Variants in RBM19 observed in about 807,000 individuals in gnomAD.
RBM19 encodes the protein probable RNA-binding protein 19.
Under a neutral mutation model 116.8 loss-of-function variants are expected in RBM19, and 94 were observed. That is an observed-to-expected ratio of 0.80 (90% CI 0.68 to 0.95). The LOEUF is 0.95. Among genes scored for constraint, RBM19 ranks in the 40% least tolerant of loss-of-function variants. The probability of loss-of-function intolerance (pLI) is 0.00; values close to 1 mark genes in which losing one functional copy is unlikely to be tolerated. For synonymous variants in RBM19, 475 were observed against 494.1 expected, an observed-to-expected ratio of 0.96 and a Z score of 0.51; for missense variants, 1,161 against 1,220.7, an observed-to-expected ratio of 0.95 and a Z score of 0.73.
intron 21 of RBM19, among the ~76,000 whole-genome samples, chr12:113,866,692 T>C (rs1052273980): frequency 1.3e-5 from 2 of 152,154 alleles, no homozygotes; most frequent in African/African-American, 4.8e-5. Flanking sequence ...GCTCAGGGGC[T>C]GCACCAAGCC....
chr12:113,843,999 C>T (rs918334672), intron 23 of RBM19, among the ~76,000 whole-genome samples: 6 of 152,236 alleles, frequency 3.9e-5, no homozygotes, highest in South Asian at 4.1e-4. Flanking sequence ...CTCTCTAGCC[C>T]ACCTGATGAG....
chr12:113,844,777 G>A lies in RBM19; in HGVS notation c.2676C>T (p.Asn892=), dbSNP rs572460564. Reference sequence around the variant, plus strand: ...ACAAGTGGGTGCTGTGACACAGGGCGTTGAAGGCTCTCTGCAGAGGGACAA... The same window carrying A: ...ACAAGTGGGTGCTGTGACACAGGGCATTGAAGGCTCTCTGCAGAGGGACAA... ...LTKQDAKRAF[N]ALCHSTHLYG... is the part of the protein sequence containing the mutation. The change falls in exon 23 of 24, where the codon AAC becomes AAT. Residue 892 remains asparagine, a synonymous_variant. Transcript: ENST00000261741. 1.9e-5 allele frequency: 30 copies of A among 1,612,588 alleles called. No homozygotes were observed. The highest frequency in any genetic ancestry group is 8.8e-5 in the South Asian group (8 of 90,870).
chr12:113,948,811 G>A lies in RBM19; in HGVS notation c.1276+22C>T, dbSNP rs752155571. 8.3e-5 allele frequency: 134 copies of A among 1,612,678 alleles called. No homozygotes were observed. In the Middle Eastern group the frequency reaches 9.9e-4, roughly 12 times the overall value. ...CTCCCATAGCCGCTGGGCTATCCAC[G>A]GCCCGGAGGCCACACCCCTACCATA... On this transcript the variant is annotated intron_variant, in intron 10 of 23. Coordinates refer to ENST00000261741, the MANE Select transcript of RBM19 (RefSeq NM_016196.4).
chr12:113,841,424 T>G (rs1445828678), intron 23 of RBM19, among the ~76,000 whole-genome samples: 1 of 136,214 alleles, frequency 7.3e-6, no homozygotes, highest in African/African-American at 3.1e-5. Context: ...TTTCTTTTCT[T>G]TTTTTTTTTT....
rs1187683057 is a variant in RBM19, at chr12:113,962,278, G to A, written c.173C>T (p.Ala58Val). 17 of 1,614,132 alleles carry A rather than the reference G, an allele frequency of 1.1e-5. No homozygotes were observed. Among genetic ancestry groups the A allele is most frequent in the East Asian group, 2.2e-5 (1 of 44,898 alleles). The stretch of plus-strand genomic sequence containing the variant: ...GAAGCTCTTGTTGAAATGCTTCTGT[G>A]CCTTCTGGGCCTCTTCCTCGGACTT... ...GFKSEEEAQK[A>V]QKHFNKSFID... The change falls in exon 2 of 24, where the codon GCA becomes GTA. Residue 58 changes from alanine (A) to valine (V), a missense_variant. Coordinates refer to ENST00000261741, the MANE Select transcript of RBM19 (RefSeq NM_016196.4).
chr12:113,937,258 G>C, intron 15 of RBM19, 122 bp from the exon 16 acceptor site: 1 of 1,180,366 alleles, frequency 8.5e-7, no homozygotes, highest in South Asian at 1.6e-5. Flanking sequence ...CCCAAGAATG[G>C]AGCCGGAAGG....
At chr12:113,923,373 T>C (rs1335360972) in intron 18 of RBM19, among the ~76,000 whole-genome samples, 1 of 152,076 alleles carries the variant, frequency 6.6e-6, no homozygotes, top group African/African-American at 2.4e-5. Flanking sequence ...ATCTTAGACT[T>C]CTAGACTCCA....
chr12:113,921,205 T>C (rs1310075311), intron 18 of RBM19, among the ~76,000 whole-genome samples: 5 of 152,224 alleles, frequency 3.3e-5, no homozygotes, highest in Non-Finnish European at 5.9e-5. Context: ...CTTCTCTGGT[T>C]CCTTACTTCT....
chr12:113,927,450 A>G, intron 16 of RBM19: 1 of 538,294 alleles, frequency 1.9e-6, no homozygotes, highest in Non-Finnish European at 3.2e-6. Context: ...TGTTGTAAAG[A>G]GAAAGGAATA....
intron 21 of RBM19, among the ~76,000 whole-genome samples, chr12:113,861,530 CG>C (rs1238764776): frequency 2.4e-5 from 2 of 83,880 alleles, no homozygotes; most frequent in Non-Finnish European, 4.9e-5. Flanking sequence ...GAGAAGGGGT[CG>C]GGGGGTGGTG....
intron 21 of RBM19, among the ~76,000 whole-genome samples, chr12:113,860,829 T>C (rs1878306819): frequency 6.6e-6 from 1 of 152,094 alleles, no homozygotes; most frequent in Non-Finnish European, 1.5e-5. Context: ...CCCATCTATC[T>C]TGCTCATCAC....
chr12:113,843,578 AG>A (rs1350990656), intron 23 of RBM19, among the ~76,000 whole-genome samples: 1 of 152,210 alleles, frequency 6.6e-6, no homozygotes, highest in African/African-American at 2.4e-5. Flanking sequence ...GTGGGTGGAA[AG>A]CCAGCAGCTG....
intron 21 of RBM19, among the ~76,000 whole-genome samples, chr12:113,899,476 C>A (rs1881544393): frequency 6.6e-6 from 1 of 152,182 alleles, no homozygotes; most frequent in Admixed American, 6.5e-5. Context: ...ACTCATCAGA[C>A]CAAGTTACTA....
intron 21 of RBM19, among the ~76,000 whole-genome samples, chr12:113,887,647 A>AG (rs1415952890): frequency 2.0e-5 from 3 of 149,970 alleles, no homozygotes; most frequent in African/African-American, 4.9e-5. Context: ...AAAAAAAAAA[A>AG]AAAAGAAAAA....
intron 21 of RBM19, among the ~76,000 whole-genome samples, chr12:113,865,362 T>A (rs1277894103): frequency 1.3e-5 from 2 of 152,204 alleles, no homozygotes; most frequent in Admixed American, 6.5e-5. Flanking sequence ...GACCATCCTA[T>A]CTAACGTTGC....
chr12:113,965,587 C>A (rs1032909650), intron 1 of RBM19, among the ~76,000 whole-genome samples: 1 of 152,180 alleles, frequency 6.6e-6, no homozygotes, highest in Admixed American at 6.5e-5. Flanking sequence ...GAGCCCACCG[C>A]ATCTAATCAT....
At chr12:113,911,598 A>G (rs955769092) in intron 21 of RBM19, among the ~76,000 whole-genome samples, 3 of 152,120 alleles carry the variant, frequency 2.0e-5, no homozygotes, top group Non-Finnish European at 4.4e-5. Context: ...TAAGTGCCTC[A>G]TTTGTACAAT....
intron 18 of RBM19, among the ~76,000 whole-genome samples, chr12:113,924,076 G>C (rs769322592): frequency 1.3e-5 from 2 of 151,514 alleles, no homozygotes; most frequent in Non-Finnish European, 3.0e-5. Flanking sequence ...AAGCAAGGAC[G>C]TATCCCCTGC....
intron 4 of RBM19, 128 bp downstream of exon 4, chr12:113,959,737 C>T (rs1186746519): frequency 8.5e-6 from 10 of 1,177,490 alleles, no homozygotes; most frequent in Admixed American, 7.9e-5. Flanking sequence ...CCTTTCCTAG[C>T]CTCCACCCTC....
Sources: gnomAD v4.1 joint callset for allele counts (sites outside exome capture counted in the v4.1 genomes callset) on GRCh38, gnomAD v4.1.1 for gene constraint, MANE v1.5 for transcripts, NCBI Gene and HGNC (gene_info 2026-07-23, HGNC 2026-07-21) for gene names.